Variants in TRMT9B observed in about 807,000 individuals in gnomAD.
The protein encoded by TRMT9B is tRNA methyltransferase 9B (putative), also known as probable tRNA methyltransferase 9B.
Under a neutral mutation model 11.5 loss-of-function variants are expected in TRMT9B, and 16 were observed. The observed-to-expected ratio is 1.39, with a 90% confidence interval of 0.94 to 2.11. The LOEUF is 2.11. TRMT9B is among the 30% of genes most tolerant of loss of function. The pLI is 0.00. For synonymous variants in TRMT9B, 274 were observed against 192.4 expected (o/e 1.42, Z -3.51); for missense variants, 941 against 553.8 (o/e 1.70, Z -7.02).
chr8:12,953,970 G>A (rs978392023), intron 1 of TRMT9B, among the ~76,000 whole-genome samples: 1 of 152,198 alleles, frequency 6.6e-6, no homozygotes, highest in Non-Finnish European at 1.5e-5. Context: ...TTTCTAGAAA[G>A]ATTCAATTAC....
At chr8:12,978,422 C>T (rs1004790096) in intron 1 of TRMT9B, among the ~76,000 whole-genome samples, 11 of 152,090 alleles carry the variant, frequency 7.2e-5, no homozygotes, top group African/African-American at 2.7e-4. Context: ...CTTTTCTTTA[C>T]CTACAACTGT....
intron 3 of TRMT9B, chr8:13,011,915 A>G: frequency 2.0e-6 from 2 of 985,322 alleles, no homozygotes; most frequent in South Asian, 4.7e-5. Context: ...TAAATAATAG[A>G]AAAGTTGTTG....
chr8:12,959,408 G>A (rs566634590), intron 1 of TRMT9B, among the ~76,000 whole-genome samples: 1 of 150,194 alleles, frequency 6.7e-6, no homozygotes, highest in African/African-American at 2.4e-5. Context: ...AATCATAAAT[G>A]TATGTTGTCT....
Position 12,960,670 on chromosome 8 carries a change from A to G in TRMT9B, c.-200+14704A>G, listed in dbSNP as rs143078702. ...TCAAGTCACAAAAAGACACGGTGGAACCCTAAATGCATATTACTAAGTAAA... is the reference window on the plus strand; with the variant it reads ...TCAAGTCACAAAAAGACACGGTGGAGCCCTAAATGCATATTACTAAGTAAA... On this transcript the variant is annotated intron_variant, in intron 1 of 4. Coordinates refer to ENST00000524591, the MANE Select transcript of TRMT9B (RefSeq NM_020844.3). 7.7e-4 allele frequency among the ~76,000 whole-genome samples: 118 copies of G among 152,360 alleles called. 2 individuals are homozygous for G. The highest frequency in any genetic ancestry group is 2.6e-3 in the African/African-American group (109 of 41,586).
chr8:12,990,747 A>T, intron 1 of TRMT9B, 87 bp from the exon 2 acceptor site: 1 of 761,284 alleles, frequency 1.3e-6, no homozygotes, highest in South Asian at 1.9e-5. Context: ...TAATTTATGC[A>T]TAGGTCAGGA....
intron 2 of TRMT9B, among the ~76,000 whole-genome samples, chr8:13,004,294 C>T (rs2954187): frequency 0.75 from 113,903 of 151,528 alleles, 42,888 homozygotes; most frequent in Admixed American, 0.8. Context: ...GCCCGTGGAC[C>T]AGGTGGGGAG....
At chr8:13,017,780 A>AT (rs1469113442) in intron 4 of TRMT9B, among the ~76,000 whole-genome samples, 2 of 151,090 alleles carry the variant, frequency 1.3e-5, no homozygotes, top group African/African-American at 4.9e-5. Flanking sequence ...CGCCCAGCTA[A>AT]TTTTTTTTAT....
At position 13,021,544 on chromosome 8, in the gene TRMT9B, C is replaced by A. The variant is rs766313227; in HGVS notation, c.865C>A (p.His289Asn). Residue 289 changes from histidine (H) to asparagine (N), a missense_variant, in exon 5 of 5, where the codon CAC becomes AAC. By Grantham distance (68) the His-to-Asn change is moderately conservative. Transcript: ENST00000524591. ...SSTVTVQPSR[H>N]SSLDFDHQEP... ...CACTGTAACAGTCCAGCCTTCCAGA[C>A]ACTCTAGTTTAGACTTTGATCACCA... The A allele has an allele frequency of 6.2e-7, 1 of 1,613,806 alleles. No individual in the cohort carries two copies. Among genetic ancestry groups the A allele is most frequent in the Non-Finnish European group, 8.5e-7 (1 of 1,179,766 alleles).
At chr8:13,005,756 C>T (rs1199057776) in intron 2 of TRMT9B, among the ~76,000 whole-genome samples, 6 of 152,176 alleles carry the variant, frequency 3.9e-5, no homozygotes, top group African/African-American at 1.4e-4. Context: ...GATACAGAGA[C>T]ATGGCTGGAA....
chr8:12,959,778 C>G (rs886825200), intron 1 of TRMT9B, among the ~76,000 whole-genome samples: 3 of 152,086 alleles, frequency 2.0e-5, no homozygotes, highest in African/African-American at 7.2e-5. Context: ...ATCCTCCCAC[C>G]TCAGCTTCCC....
chr8:12,956,237 C>A (rs2977085), intron 1 of TRMT9B, among the ~76,000 whole-genome samples: 1 of 151,874 alleles, frequency 6.6e-6, no homozygotes, highest in African/African-American at 2.4e-5. Context: ...TCCATCATGC[C>A]TAACACATAT....
At chr8:12,993,323 C>T (rs947735149) in intron 2 of TRMT9B, among the ~76,000 whole-genome samples, 8 of 152,166 alleles carry the variant, frequency 5.3e-5, no homozygotes, top group Non-Finnish European at 1.0e-4. Context: ...GAGATTCTAA[C>T]CAACTTTCCT....
At chr8:12,952,207 C>G (rs527297566) in intron 1 of TRMT9B, 1 of 451,580 alleles carries the variant, frequency 2.2e-6, no homozygotes, top group Non-Finnish European at 4.4e-6. Flanking sequence ...CGCCGGCGAC[C>G]GGAGCACTGA....
At chr8:13,011,899 A>G (rs1811675237) in intron 3 of TRMT9B, 1 of 984,816 alleles carries the variant, frequency 1.0e-6, no homozygotes, top group African/African-American at 1.7e-5. Flanking sequence ...GGCATGTTTT[A>G]GTGTATAAAT....
chr8:12,952,227 G>C, intron 1 of TRMT9B: 1 of 446,612 alleles, frequency 2.2e-6, no homozygotes, highest in Non-Finnish European at 4.5e-6. Flanking sequence ...ACAATGGTCT[G>C]CATAGGGGAG....
In TRMT9B at chr8:13,028,961, A is replaced by T. The variant is rs2466258; in HGVS notation, c.*6917A>T. 0.98 allele frequency: 163,916 copies of T among 167,112 alleles called. 80,482 individuals are homozygous for T. Among genetic ancestry groups the T allele is most frequent in the East Asian group, 1 (5,182 of 5,182 alleles). The allele number at this position is 167,112 out of a possible 1,614,324, so 10.4% of individuals were successfully genotyped here. A position where few individuals can be genotyped will look rare whatever the true frequency, so the allele number is the denominator to read the frequency against. Reference sequence around the variant, plus strand: ...CTCACTAATGTGGACCTAAGTGAGTATCTGAGAGGCTTTGAATATGTATGT... The same window carrying T: ...CTCACTAATGTGGACCTAAGTGAGTTTCTGAGAGGCTTTGAATATGTATGT... On this transcript the variant is annotated 3_prime_UTR_variant, in exon 5 of 5. Coordinates refer to ENST00000524591, the MANE Select transcript of TRMT9B (RefSeq NM_020844.3).
chr8:13,004,223 G>T (rs1276517280), intron 2 of TRMT9B, among the ~76,000 whole-genome samples: 1 of 151,906 alleles, frequency 6.6e-6, no homozygotes, highest in East Asian at 2.0e-4. Context: ...CACTTGAAAG[G>T]CAGTGTAGGC....
chr8:13,005,312 G>A (rs550352908), intron 2 of TRMT9B, among the ~76,000 whole-genome samples: 138 of 152,222 alleles, frequency 9.1e-4, no homozygotes, highest in African/African-American at 2.8e-3. Context: ...GGAGGTGGGA[G>A]GGAAGTGGAG....
At chr8:13,004,893 G>A (rs1416883383) in intron 2 of TRMT9B, among the ~76,000 whole-genome samples, 1 of 151,896 alleles carries the variant, frequency 6.6e-6, no homozygotes, top group Non-Finnish European at 1.5e-5. Context: ...TGCATCTCAT[G>A]GCTTGAGTGC....
Sources: gnomAD v4.1 joint callset for allele counts (sites outside exome capture counted in the v4.1 genomes callset) on GRCh38, gnomAD v4.1.1 for gene constraint, MANE v1.5 for transcripts, NCBI Gene and HGNC (gene_info 2026-07-23, HGNC 2026-07-21) for gene names.